Variants in EPHB1 observed in about 807,000 individuals in gnomAD.
EPHB1 encodes the protein ephrin type-B receptor 1.
In EPHB1, 30 loss-of-function variants were observed where a neutral mutation model predicts 94.4. That is an observed-to-expected ratio of 0.32 (90% CI 0.24 to 0.43). The LOEUF is 0.43. Among genes scored for constraint, EPHB1 ranks in the 20% least tolerant of loss-of-function variants. EPHB1 has a pLI of 1.00. For missense variants in EPHB1, 1,055 were observed against 1,308.3 expected, an observed-to-expected ratio of 0.81 and a Z score of 2.99; for synonymous variants, 522 against 489.1, an observed-to-expected ratio of 1.07 and a Z score of -0.89.
At chr3:134,957,230 T>A (rs779935313) in intron 3 of EPHB1, among the ~76,000 whole-genome samples, 15 of 152,050 alleles carry the variant, frequency 9.9e-5, no homozygotes, top group Non-Finnish European at 1.3e-4. Context: ...TGGTGATAAG[T>A]CTCGTATATG....
chr3:134,967,453 G>T (rs892882845), intron 3 of EPHB1, among the ~76,000 whole-genome samples: 11 of 152,162 alleles, frequency 7.2e-5, no homozygotes. Context: ...CTGCACTCAT[G>T]AATGAATTAA....
chr3:135,193,830 C>T (rs1942525584), intron 11 of EPHB1, among the ~76,000 whole-genome samples: 1 of 152,228 alleles, frequency 6.6e-6, no homozygotes, highest in South Asian at 2.1e-4. Flanking sequence ...AAATCATCCC[C>T]AAGACCTCAG....
At chr3:135,048,224 CTT>C (rs71157318) in intron 3 of EPHB1, among the ~76,000 whole-genome samples, 27 of 109,064 alleles carry the variant, frequency 2.5e-4, no homozygotes, top group African/African-American at 9.4e-4. Context: ...AAAAAATACT[CTT>C]TTTTTTTTTT....
intron 3 of EPHB1, among the ~76,000 whole-genome samples, chr3:134,974,215 C>T (rs528948658): frequency 3.1e-4 from 47 of 152,224 alleles, no homozygotes; most frequent in South Asian, 1.7e-3. Context: ...TGCACGCGTG[C>T]GCACACATAC....
chr3:135,150,674 G>T (rs72979526), intron 5 of EPHB1, among the ~76,000 whole-genome samples: 4,049 of 152,066 alleles, frequency 0.027, 80 homozygotes, highest in African/African-American at 0.064. Context: ...TTCCTTCTCA[G>T]GCCTCTTTAG....
intron 2 of EPHB1, among the ~76,000 whole-genome samples, chr3:134,930,933 G>A (rs74552124): frequency 0.021 from 3,251 of 152,294 alleles, 59 homozygotes; most frequent in South Asian, 0.04. Context: ...GTCAGAGAAT[G>A]AGCCAGCTCC....
At chr3:135,114,900 T>C (rs1201504537) in intron 4 of EPHB1, among the ~76,000 whole-genome samples, 1 of 152,224 alleles carries the variant, frequency 6.6e-6, no homozygotes, top group African/African-American at 2.4e-5. Context: ...CACTATTATT[T>C]AGTTAACATT....
At chr3:134,935,134 AG>A (rs2038977287) in intron 2 of EPHB1, among the ~76,000 whole-genome samples, 1 of 152,222 alleles carries the variant, frequency 6.6e-6, no homozygotes, top group Non-Finnish European at 1.5e-5. Context: ...GAGAGGACAC[AG>A]GGCTCCTGAC....
chr3:134,941,745 GCACACAGACACACA>G (rs934725627), intron 2 of EPHB1, among the ~76,000 whole-genome samples: 1 of 92,692 alleles, frequency 1.1e-5, no homozygotes, highest in African/African-American at 5.5e-5. Flanking sequence ...CTTTACATAT[GCACACAGACACACA>G]CACACACACA....
chr3:135,083,914 G>A (rs543963072), intron 3 of EPHB1, among the ~76,000 whole-genome samples: 1 of 152,160 alleles, frequency 6.6e-6, no homozygotes, highest in East Asian at 1.9e-4. Flanking sequence ...TCACCCTGGG[G>A]CCCCCTCCCT....
At chr3:135,163,726 G>C (rs916125619) in intron 7 of EPHB1, among the ~76,000 whole-genome samples, 3 of 152,194 alleles carry the variant, frequency 2.0e-5, no homozygotes, top group South Asian at 4.1e-4. Flanking sequence ...TCCCAAGAAG[G>C]CTGTTTCTTT....
At chr3:135,091,930 G>T (rs1044537566) in intron 3 of EPHB1, among the ~76,000 whole-genome samples, 1 of 152,158 alleles carries the variant, frequency 6.6e-6, no homozygotes, top group Non-Finnish European at 1.5e-5. Flanking sequence ...CCAGCCTTTA[G>T]ATAGAAACAC....
intron 1 of EPHB1, among the ~76,000 whole-genome samples, chr3:134,844,367 C>T (rs998043605): frequency 2.0e-5 from 3 of 152,186 alleles, no homozygotes; most frequent in Admixed American, 1.3e-4. Flanking sequence ...GGATCTTCCA[C>T]CTGTTCTATA....
chr3:135,089,712 G>A (rs977839896), intron 3 of EPHB1, among the ~76,000 whole-genome samples: 1 of 152,202 alleles, frequency 6.6e-6, no homozygotes, highest in African/African-American at 2.4e-5. Context: ...GTCCAGCTAG[G>A]CTCCTGTCAT....
chr3:135,159,797 G>A (rs1363152118), intron 6 of EPHB1, among the ~76,000 whole-genome samples: 4 of 152,208 alleles, frequency 2.6e-5, no homozygotes, highest in African/African-American at 9.6e-5. Context: ...CCTGGGACCT[G>A]TGGTCCCTCA....
chr3:135,034,777 G>C (rs1936591038), intron 3 of EPHB1, among the ~76,000 whole-genome samples: 1 of 152,226 alleles, frequency 6.6e-6, no homozygotes. Context: ...CAAGCAGGTG[G>C]GGGCCCCAGA....
At chr3:134,884,089 C>T (rs1313342971) in intron 1 of EPHB1, among the ~76,000 whole-genome samples, 3 of 152,216 alleles carry the variant, frequency 2.0e-5, no homozygotes. Flanking sequence ...CCCCATGCCA[C>T]CACCCATTCT....
At chr3:135,038,237 T>A (rs2107764012) in intron 3 of EPHB1, among the ~76,000 whole-genome samples, 1 of 152,326 alleles carries the variant, frequency 6.6e-6, no homozygotes, top group Non-Finnish European at 1.5e-5. Flanking sequence ...TTGACACATA[T>A]CCAAAGAAGA....
intron 12 of EPHB1, among the ~76,000 whole-genome samples, chr3:135,219,633 A>T (rs775912344): frequency 3.0e-4 from 45 of 152,216 alleles, no homozygotes; most frequent in Non-Finnish European, 5.6e-4. Flanking sequence ...AAAAATCTTT[A>T]TAACTCTTGG....
Sources: allele counts gnomAD v4.1 joint callset (sites outside exome capture counted in the v4.1 genomes callset), GRCh38; gene constraint gnomAD v4.1.1; transcripts MANE v1.5; gene names NCBI Gene and HGNC (gene_info 2026-07-23, HGNC 2026-07-21).